Variants in ANGPT1 observed in about 807,000 individuals in gnomAD.
The protein encoded by ANGPT1 is angiopoietin-1.
ANGPT1 carries 17 observed loss-of-function variants against 62.2 expected under a neutral mutation model. The ratio of observed to expected loss-of-function variants is 0.27; its 90% CI spans 0.19 to 0.41. The LOEUF (loss-of-function observed/expected upper bound fraction) is 0.41. Ranked by LOEUF, ANGPT1 falls within the 10% of genes least tolerant of loss-of-function variation. The pLI is 1.00. For synonymous variants in ANGPT1, 199 were observed against 198.9 expected, an observed-to-expected ratio of 1.00 and a Z score of 0.00; for missense variants, 478 against 594.9, an observed-to-expected ratio of 0.80 and a Z score of 2.04.
intron 1 of ANGPT1, among the ~76,000 whole-genome samples, chr8:107,478,457 G>A (rs1291416801): frequency 6.6e-6 from 1 of 152,092 alleles, no homozygotes; most frequent in Non-Finnish European, 1.5e-5. Flanking sequence ...GCTGAGGCAG[G>A]AGAATAGATT....
intron 4 of ANGPT1, among the ~76,000 whole-genome samples, chr8:107,312,317 T>TG (rs750250253): frequency 1.5e-4 from 23 of 152,214 alleles, no homozygotes; most frequent in Admixed American, 5.2e-4. Flanking sequence ...TTTTTCAGCC[T>TG]GGCTAAAATA....
At chr8:107,459,315 C>T (rs536932044) in intron 1 of ANGPT1, among the ~76,000 whole-genome samples, 1 of 151,950 alleles carries the variant, frequency 6.6e-6, no homozygotes, top group Non-Finnish European at 1.5e-5. Context: ...TTTGGGAGAC[C>T]CAGGCGGGCA....
chr8:107,495,365 C>G (rs1813065646), intron 1 of ANGPT1, among the ~76,000 whole-genome samples: 1 of 152,094 alleles, frequency 6.6e-6, no homozygotes, highest in Non-Finnish European at 1.5e-5. Context: ...AAAGCTATCC[C>G]ATAATCATTG....
At chr8:107,364,312 ACT>A (rs1463929752) in intron 1 of ANGPT1, among the ~76,000 whole-genome samples, 1 of 152,004 alleles carries the variant, frequency 6.6e-6, no homozygotes, top group East Asian at 1.9e-4. Context: ...ACAGCGCCTC[ACT>A]CTGTCACCCA....
chr8:107,340,003 A>G (rs950706454), intron 2 of ANGPT1, among the ~76,000 whole-genome samples: 27 of 152,126 alleles, frequency 1.8e-4, no homozygotes, highest in African/African-American at 5.8e-4. Flanking sequence ...CCTTGACCCC[A>G]TTGCTGCTTT....
intron 1 of ANGPT1, among the ~76,000 whole-genome samples, chr8:107,465,537 T>C (rs1812177883): frequency 6.6e-6 from 1 of 152,166 alleles, no homozygotes; most frequent in Non-Finnish European, 1.5e-5. Context: ...AATACTTCAA[T>C]GTTAAATATT....
chr8:107,366,804 G>A (rs557550475), intron 1 of ANGPT1, among the ~76,000 whole-genome samples: 1 of 152,286 alleles, frequency 6.6e-6, no homozygotes, highest in Non-Finnish European at 1.5e-5. Flanking sequence ...GAATATGGCA[G>A]AATAGATGCT....
chr8:107,355,156 C>A (rs113667391), intron 1 of ANGPT1, among the ~76,000 whole-genome samples: 7 of 152,198 alleles, frequency 4.6e-5, no homozygotes, highest in African/African-American at 1.7e-4. Context: ...CCCACCTGAG[C>A]CTCTCAAAGT....
At chr8:107,428,671 A>T (rs963571127) in intron 1 of ANGPT1, among the ~76,000 whole-genome samples, 2 of 151,820 alleles carry the variant, frequency 1.3e-5, no homozygotes, top group Admixed American at 6.6e-5. Context: ...TTCGAGTGCT[A>T]TAACTAAACA....
At chr8:107,298,768 T>C (rs1238132052) in intron 5 of ANGPT1, among the ~76,000 whole-genome samples, 1 of 151,836 alleles carries the variant, frequency 6.6e-6, no homozygotes, top group Non-Finnish European at 1.5e-5. Flanking sequence ...TTAATAACCC[T>C]AGTTTATTTT....
At chr8:107,347,705 T>C (rs1365950740) in intron 1 of ANGPT1, among the ~76,000 whole-genome samples, 3 of 152,086 alleles carry the variant, frequency 2.0e-5, no homozygotes, top group Non-Finnish European at 4.4e-5. Context: ...ATATAGGCAA[T>C]GATATATGAA....
At chr8:107,262,482 T>A (rs181148632) in intron 8 of ANGPT1, among the ~76,000 whole-genome samples, 81 of 152,342 alleles carry the variant, frequency 5.3e-4, no homozygotes, top group African/African-American at 1.9e-3. Context: ...TTTCCTCATG[T>A]ACAACATAGA....
chr8:107,385,133 G>A (rs989986484), intron 1 of ANGPT1, among the ~76,000 whole-genome samples: 3 of 151,646 alleles, frequency 2.0e-5, no homozygotes, highest in Admixed American at 6.6e-5. Context: ...TTGGAATGTC[G>A]TTTGTTTGTT....
rs549148029 is a variant in ANGPT1, at chr8:107,407,138, A to G, written c.298-60041T>C. Among the ~76,000 whole-genome samples, 18 of 152,282 alleles carry G rather than the reference A, an allele frequency of 1.2e-4. No homozygotes were observed. The South Asian group carries it at 3.1e-3, about 26-fold the overall frequency. ...CGCTTCCACAGATTTGACCCAAACCATGCATATGGCCCTCAGTAGGCGGAT... is the reference window on the plus strand; with the variant it reads ...CGCTTCCACAGATTTGACCCAAACCGTGCATATGGCCCTCAGTAGGCGGAT... On this transcript the variant is annotated intron_variant, in intron 1 of 8. Coordinates refer to ENST00000517746, the MANE Select transcript of ANGPT1 (RefSeq NM_001146.5).
chr8:107,270,678 C>T (rs1357888588), intron 7 of ANGPT1, among the ~76,000 whole-genome samples: 3 of 151,990 alleles, frequency 2.0e-5, no homozygotes, highest in Non-Finnish European at 4.4e-5. Context: ...ATTGTCCATA[C>T]ATGAACAGAA....
intron 1 of ANGPT1, among the ~76,000 whole-genome samples, chr8:107,382,842 T>G (rs1816665380): frequency 6.6e-6 from 1 of 152,128 alleles, no homozygotes; most frequent in African/African-American, 2.4e-5. Flanking sequence ...AGCTCCTTTC[T>G]TCTACACTAA....
intron 8 of ANGPT1, among the ~76,000 whole-genome samples, chr8:107,254,450 T>C (rs1000578242): frequency 2.0e-5 from 3 of 151,938 alleles, no homozygotes; most frequent in African/African-American, 7.2e-5. Flanking sequence ...GCCATGACTG[T>C]TATTGACAAA....
chr8:107,256,844 GTT>G (rs201485864), intron 8 of ANGPT1, among the ~76,000 whole-genome samples: 1 of 150,730 alleles, frequency 6.6e-6, no homozygotes, highest in African/African-American at 2.4e-5. Context: ...GTTTTGTTCT[GTT>G]TTTTTTTTTG....
chr8:107,460,252 C>T (rs1563632682), intron 1 of ANGPT1, among the ~76,000 whole-genome samples: 1 of 151,978 alleles, frequency 6.6e-6, no homozygotes, highest in Non-Finnish European at 1.5e-5. Flanking sequence ...GTATATATTC[C>T]CAATCCTTTT....
Sources: allele counts gnomAD v4.1 joint callset (sites outside exome capture counted in the v4.1 genomes callset), GRCh38; gene constraint gnomAD v4.1.1; transcripts MANE v1.5; gene names NCBI Gene and HGNC (gene_info 2026-07-23, HGNC 2026-07-21).